Variants in VIPR2 observed in about 807,000 individuals in gnomAD.
VIPR2 encodes the protein vasoactive intestinal polypeptide receptor 2.
In VIPR2, 48 loss-of-function variants were observed where a neutral mutation model predicts 58.0. The ratio of observed to expected loss-of-function variants is 0.83; its 90% CI spans 0.66 to 1.05. The LOEUF (loss-of-function observed/expected upper bound fraction) is 1.05, where lower values mean the gene tolerates loss of function less well. Ranked by LOEUF, VIPR2 falls within the 50% of genes least tolerant of loss-of-function variation. VIPR2 has a pLI of 0.00. For synonymous variants in VIPR2, 243 were observed against 235.2 expected, an observed-to-expected ratio of 1.03 and a Z score of -0.30; for missense variants, 534 against 558.0, an observed-to-expected ratio of 0.96 and a Z score of 0.43.
At chr7:159,070,224 T>G (rs1856308831) in intron 4 of VIPR2, among the ~76,000 whole-genome samples, 2 of 152,176 alleles carry the variant, frequency 1.3e-5, no homozygotes, top group African/African-American at 4.8e-5. Context: ...CAATTTTTCC[T>G]GCTGTCCCGG....
In VIPR2 at chr7:159,093,140, TG is replaced by T. The variant is rs1197692562; in HGVS notation, c.357+10616del. On this transcript the variant is annotated intron_variant, in intron 4 of 12. Coordinates refer to ENST00000262178, the MANE Select transcript of VIPR2 (RefSeq NM_003382.5). The surrounding 1 kb of genome is among the most constrained non-coding windows in gnomAD (Gnocchi z 6.7). ...AGAGATGTGGTCCTGCGGGGGCTGG[TG>T]GGGGCAGAAGACATTTCCTCAAGAC... Among the ~76,000 whole-genome samples, 3 of 152,056 alleles carry T rather than the reference TG, an allele frequency of 2.0e-5. No individual in the cohort carries two copies.
At position 159,062,768 on chromosome 7, in the gene VIPR2, C is replaced by A. The variant is rs549098686; in HGVS notation, c.358-4190G>T. The stretch of plus-strand genomic sequence containing the variant: ...GTGAATTGTCTCTACAGGCTCCGGC[C>A]GCCTGCTTTTATTCCCTTATCTGGC... On this transcript the variant is annotated intron_variant, in intron 4 of 12. Transcript: ENST00000262178. Among the ~76,000 whole-genome samples the A allele has an allele frequency of 1.2e-3, 183 of 152,302 alleles. 3 individuals carry two copies. The highest frequency in any genetic ancestry group is 4.1e-3 in the African/African-American group (170 of 41,556).
At chr7:159,129,138 CTGGGGGGGACAGGG>C (rs1162167270) in intron 2 of VIPR2, among the ~76,000 whole-genome samples, 1 of 111,318 alleles carries the variant, frequency 9.0e-6, no homozygotes, top group Non-Finnish European at 2.0e-5. Context: ...AAACTGGCCT[CTGGGGGGGACAGGG>C]CTGGGGGGAC....
intron 6 of VIPR2, among the ~76,000 whole-genome samples, chr7:159,040,341 C>T (rs768075692): frequency 2.6e-5 from 4 of 152,342 alleles, no homozygotes; most frequent in African/African-American, 4.8e-5. Context: ...GTGGCCTTGT[C>T]GGGGAGCCTC....
intron 2 of VIPR2, among the ~76,000 whole-genome samples, chr7:159,115,269 C>A (rs184988593): frequency 2.9e-4 from 44 of 152,232 alleles, no homozygotes; most frequent in Non-Finnish European, 5.1e-4. Context: ...CAACATAAAC[C>A]CAGCAAACCT....
rs1386069023 is a variant in VIPR2 at position 159,030,658 on chromosome 7, G to A, written c.1275C>T (p.Ser425=). The A allele has an allele frequency of 1.3e-6, 2 of 1,560,568 alleles. No homozygotes were observed. Residue 425 remains serine (S), a synonymous_variant, in exon 13 of 13, where the codon TCC becomes TCT. Transcript: ENST00000262178. ...CCGTTTGCAGGAAGGACTGGGCGCG[G>A]GAGCCGCGGTGGAACTGCAGGGCGC... ...SEGALQFHRG[S]RAQSFLQTET... is the part of the protein sequence containing the mutation.
chr7:159,125,328 A>G (rs973107489), intron 2 of VIPR2, among the ~76,000 whole-genome samples: 2 of 152,316 alleles, frequency 1.3e-5, no homozygotes, highest in East Asian at 1.9e-4. Context: ...GTCCATGCCT[A>G]TAGGGAAGAC....
intron 4 of VIPR2, chr7:159,059,266 G>A (rs184618998): frequency 4.7e-4 from 223 of 470,898 alleles, no homozygotes; most frequent in Non-Finnish European, 6.7e-4. Context: ...TGCCTGTTGC[G>A]ATAAAAACCA....
intron 2 of VIPR2, among the ~76,000 whole-genome samples, chr7:159,136,135 G>A (rs1414821192): frequency 1.3e-5 from 2 of 152,210 alleles, no homozygotes; most frequent in East Asian, 1.9e-4. Context: ...ATTTCTCACA[G>A]TTATGAGGCT....
chr7:159,076,829 G>C (rs1856659151), intron 4 of VIPR2, among the ~76,000 whole-genome samples: 1 of 152,048 alleles, frequency 6.6e-6, no homozygotes, highest in Non-Finnish European at 1.5e-5. Context: ...AAAAAGAAAA[G>C]GATATACCTT....
intron 4 of VIPR2, among the ~76,000 whole-genome samples, chr7:159,100,701 T>C (rs746389520): frequency 1.2e-3 from 180 of 152,260 alleles, no homozygotes; most frequent in Non-Finnish European, 2.1e-3. Context: ...TGACTGTTCT[T>C]GTGGTAGTGA....
intron 6 of VIPR2, 115 bp from the exon 7 acceptor site, chr7:159,037,017 C>T (rs1854009807): frequency 4.0e-6 from 5 of 1,248,336 alleles, no homozygotes; most frequent in African/African-American, 1.5e-5. Flanking sequence ...AGGAAGGAGA[C>T]ACCGGTGCCA....
chr7:159,113,635 C>G (rs939960044), intron 2 of VIPR2, among the ~76,000 whole-genome samples: 4 of 151,960 alleles, frequency 2.6e-5, no homozygotes, highest in African/African-American at 9.7e-5. Context: ...AGGTGAAAAA[C>G]CCAGCAACAG....
intron 5 of VIPR2, among the ~76,000 whole-genome samples, chr7:159,044,504 A>G (rs1226765144): frequency 3.3e-5 from 5 of 152,030 alleles, no homozygotes. Flanking sequence ...TTGAGGCATC[A>G]CATGAAATAG....
chr7:159,104,395 G>A (rs1019059157), intron 3 of VIPR2, among the ~76,000 whole-genome samples: 2 of 143,214 alleles, frequency 1.4e-5, no homozygotes, highest in Admixed American at 7.0e-5. Context: ...CCAACAGCAC[G>A]ACAGTGACCA....
chr7:159,031,899 C>T lies in VIPR2; in HGVS notation c.1102-30G>A. 1 of 1,614,124 alleles carries T rather than the reference C, an allele frequency of 6.2e-7. No individual in the cohort carries two copies. Among genetic ancestry groups the T allele is most frequent in the Non-Finnish European group, 8.5e-7 (1 of 1,180,036 alleles). On this transcript the variant is annotated intron_variant, in intron 11 of 12. Transcript: ENST00000262178. The surrounding 1 kb of genome is among the most constrained non-coding windows in gnomAD (Gnocchi z 4.0). ...AATGAGAAGAGATGGTCAGGCAGGA[C>T]CCGCGCTCGGGGGAGGGCGGCCGCC... is the stretch of plus-strand genomic sequence containing the variant.
intron 4 of VIPR2, among the ~76,000 whole-genome samples, chr7:159,066,306 C>T (rs1856086350): frequency 6.6e-6 from 1 of 151,990 alleles, no homozygotes; most frequent in South Asian, 2.1e-4. Context: ...CCCGCGGCGT[C>T]CGTGGATTCC....
Position 159,031,637 on chromosome 7 carries a change from C to T in VIPR2, c.1143+191G>A, listed in dbSNP as rs1035728452. The T allele has an allele frequency of 5.1e-6, 5 of 985,248 alleles. No individual in the cohort carries two copies. In the African/African-American group the frequency reaches 8.7e-5, roughly 17 times the overall value. The allele number at this position is 985,248 out of a possible 1,614,324, so 61.0% of individuals were successfully genotyped here. ...ACGGAAGGACGGCGGGGTTTGGAAG[C>T]TGGGCCCAGAAGAGTGGGTTTGCCT... On this transcript the variant is annotated intron_variant, in intron 12 of 12. Coordinates refer to ENST00000262178, the MANE Select transcript of VIPR2 (RefSeq NM_003382.5). The surrounding 1 kb of genome is among the most constrained non-coding windows in gnomAD (Gnocchi z 4.0).
intron 4 of VIPR2, among the ~76,000 whole-genome samples, chr7:159,066,074 G>C (rs1856064826): frequency 6.6e-6 from 1 of 152,250 alleles, no homozygotes; most frequent in African/African-American, 2.4e-5. Context: ...GCGTCCGCGG[G>C]ATTCCAGGAT....
Sources: gnomAD v4.1 joint callset for allele counts (sites outside exome capture counted in the v4.1 genomes callset) on GRCh38, gnomAD v4.1.1 for gene constraint, Gnocchi (gnomAD v3.1) non-coding constraint, MANE v1.5 for transcripts, NCBI Gene and HGNC (gene_info 2026-07-23, HGNC 2026-07-21) for gene names.